The following OPCML variants were observed in gnomAD, a reference collection of about 807,000 sequenced individuals.
OPCML encodes the protein opioid binding protein/cell adhesion molecule like.
OPCML carries 13 observed loss-of-function variants against 37.8 expected under a neutral mutation model. That is an observed-to-expected ratio of 0.34 (90% CI 0.22 to 0.55). The LOEUF (loss-of-function observed/expected upper bound fraction) is 0.55. Ranked by LOEUF, OPCML falls within the 20% of genes least tolerant of loss-of-function variation. The probability of loss-of-function intolerance (pLI) is 0.91; values close to 1 mark genes in which losing one functional copy is unlikely to be tolerated. For synonymous variants in OPCML, 176 were observed against 168.8 expected (o/e 1.04, Z -0.33); for missense variants, 341 against 435.6 (o/e 0.78, Z 1.93).
intron 2 of OPCML, among the ~76,000 whole-genome samples, chr11:132,857,641 C>A (rs755415363): frequency 6.6e-6 from 1 of 152,124 alleles, no homozygotes; most frequent in Non-Finnish European, 1.5e-5. Context: ...GCTGTAGCTG[C>A]GTTCTAAGAA....
At chr11:132,734,472 C>T (rs1277451812) in intron 2 of OPCML, among the ~76,000 whole-genome samples, 1 of 152,174 alleles carries the variant, frequency 6.6e-6, no homozygotes, top group Non-Finnish European at 1.5e-5. Flanking sequence ...CTGAGGCATC[C>T]TACAAATAGC....
chr11:133,484,134 TA>T (rs1947475267), intron 1 of OPCML, among the ~76,000 whole-genome samples: 1 of 149,250 alleles, frequency 6.7e-6, no homozygotes, highest in African/African-American at 2.5e-5. Flanking sequence ...GATTGATAGA[TA>T]GATGATAGAT....
Position 132,415,774 on chromosome 11 carries a change from C to T in OPCML, c.*4419G>A, listed in dbSNP as rs1315629758. 2.0e-5 allele frequency: 3 copies of T among 152,602 alleles called. No individual in the cohort carries two copies. The highest frequency in any genetic ancestry group is 7.2e-5 in the African/African-American group (3 of 41,438). 9.5% of individuals were successfully genotyped at this position (152,602 alleles called of 1,614,324 possible). The stretch of plus-strand genomic sequence containing the variant: ...AAGGCTAAATTGAACTGGCTCAGCC[C>T]TATCTTTTTTGCCACATCTTTAATT... On this transcript the variant is annotated 3_prime_UTR_variant, in exon 8 of 8. Transcript: ENST00000524381.
chr11:132,433,596 T>C (rs1026643537), intron 7 of OPCML, among the ~76,000 whole-genome samples: 15 of 152,226 alleles, frequency 9.9e-5, no homozygotes, highest in African/African-American at 1.4e-4. Context: ...CGCATCCCTC[T>C]ACTACCGAAT....
chr11:133,403,484 G>T (rs566657918), intron 1 of OPCML, among the ~76,000 whole-genome samples: 4 of 152,176 alleles, frequency 2.6e-5, no homozygotes, highest in Non-Finnish European at 5.9e-5. Context: ...TCTACTTTGA[G>T]TTATCAAATA....
chr11:132,605,324 G>A (rs1387886095), intron 3 of OPCML, among the ~76,000 whole-genome samples: 3 of 151,944 alleles, frequency 2.0e-5, no homozygotes, highest in South Asian at 2.1e-4. Context: ...TTGGGACGCC[G>A]AGGTGGGTGG....
rs1332184587 is a variant in OPCML, at chr11:133,173,100, G to A, written c.62-230090C>T. Among the ~76,000 whole-genome samples the A allele has an allele frequency of 6.6e-6, 1 of 152,076 alleles. No homozygotes were observed. Among genetic ancestry groups the A allele is most frequent in the Admixed American group, 6.5e-5 (1 of 15,272 alleles). Reference sequence around the variant, plus strand: ...AACTTAATCTTCCACTTTACGTTGGGCTTGCTTCCAAGTGGTAATAGCCAT... The same window carrying A: ...AACTTAATCTTCCACTTTACGTTGGACTTGCTTCCAAGTGGTAATAGCCAT... On this transcript the variant is annotated intron_variant, in intron 1 of 7. Transcript: ENST00000524381. This position sits in a 1 kb window ranked among gnomAD's most constrained non-coding sequence, Gnocchi z 7.8.
intron 1 of OPCML, among the ~76,000 whole-genome samples, chr11:133,280,313 A>T (rs1308614618): frequency 6.6e-6 from 1 of 152,232 alleles, no homozygotes; most frequent in Non-Finnish European, 1.5e-5. Flanking sequence ...GCAGTGTGAG[A>T]ATACAAACAC....
intron 3 of OPCML, among the ~76,000 whole-genome samples, chr11:132,645,428 T>A (rs1238251594): frequency 1.3e-5 from 2 of 152,214 alleles, no homozygotes; most frequent in Non-Finnish European, 2.9e-5. Context: ...TTTAAGACAT[T>A]TTGCTATTAT....
chr11:133,186,832 T>C (rs2136294863), intron 1 of OPCML, among the ~76,000 whole-genome samples: 1 of 151,972 alleles, frequency 6.6e-6, no homozygotes. Flanking sequence ...GTGGGCAAAG[T>C]TTTCCAGCAG....
At chr11:132,851,458 G>C (rs888215880) in intron 2 of OPCML, among the ~76,000 whole-genome samples, 6 of 152,126 alleles carry the variant, frequency 3.9e-5, no homozygotes, top group Non-Finnish European at 7.3e-5. Context: ...CAGTGTGGAC[G>C]AACAGCTTCC....
At chr11:132,854,476 C>T (rs751361949) in intron 2 of OPCML, among the ~76,000 whole-genome samples, 7 of 152,140 alleles carry the variant, frequency 4.6e-5, no homozygotes, top group Admixed American at 1.3e-4. Context: ...AGTTCCAAGG[C>T]TCTAATCACA....
intron 1 of OPCML, among the ~76,000 whole-genome samples, chr11:133,308,982 A>G (rs1943002863): frequency 6.6e-6 from 1 of 152,208 alleles, no homozygotes; most frequent in Non-Finnish European, 1.5e-5. Context: ...GAACACTTAA[A>G]TAAATGGAGG....
At chr11:132,534,371 A>G (rs901057105) in intron 3 of OPCML, among the ~76,000 whole-genome samples, 1 of 151,984 alleles carries the variant, frequency 6.6e-6, no homozygotes, top group African/African-American at 2.4e-5. Context: ...AAACCACTAC[A>G]CTCCCAGTAA....
chr11:132,446,891 C>T (rs568429057), intron 4 of OPCML, among the ~76,000 whole-genome samples: 41 of 152,260 alleles, frequency 2.7e-4, no homozygotes, highest in African/African-American at 9.9e-4. Flanking sequence ...TCAAGCACAG[C>T]CAGTCACCCA....
At chr11:132,462,922 G>T (rs1472103284) in intron 4 of OPCML, among the ~76,000 whole-genome samples, 1 of 152,160 alleles carries the variant, frequency 6.6e-6, no homozygotes, top group Non-Finnish European at 1.5e-5. Flanking sequence ...CAGACCTTGG[G>T]GGAAAGAGGG....
At chr11:133,135,247 C>A (rs546088136) in intron 1 of OPCML, among the ~76,000 whole-genome samples, 3 of 152,164 alleles carry the variant, frequency 2.0e-5, no homozygotes, top group African/African-American at 7.2e-5. Context: ...GTTAGTGATC[C>A]CTGCCTGTTA....
intron 1 of OPCML, among the ~76,000 whole-genome samples, chr11:133,180,615 T>C (rs1203254296): frequency 1.3e-5 from 2 of 151,934 alleles, no homozygotes; most frequent in Non-Finnish European, 2.9e-5. Context: ...CGGAGAAAGA[T>C]GGAGTTCAGG....
chr11:133,326,257 T>G (rs1404663291), intron 1 of OPCML, among the ~76,000 whole-genome samples: 2 of 136,096 alleles, frequency 1.5e-5, no homozygotes, highest in African/African-American at 5.5e-5. Flanking sequence ...GGTGTGTGTA[T>G]GTGGGGTGTG....
Sources: allele counts gnomAD v4.1 joint callset (sites outside exome capture counted in the v4.1 genomes callset), GRCh38; gene constraint gnomAD v4.1.1; non-coding constraint Gnocchi (gnomAD v3.1); transcripts MANE v1.5; gene names NCBI Gene and HGNC (gene_info 2026-07-23, HGNC 2026-07-21).